The following FBXO3 variants were observed in gnomAD, a reference collection of about 807,000 sequenced individuals.
FBXO3 encodes F-box protein 3.
In FBXO3, 17 loss-of-function variants were observed where a neutral mutation model predicts 64.8. The observed-to-expected ratio is 0.26, with a 90% CI of 0.18 to 0.39. The LOEUF (loss-of-function observed/expected upper bound fraction) is 0.39. Ranked by LOEUF, FBXO3 falls within the 10% of genes least tolerant of loss-of-function variation. The pLI, the probability that FBXO3 is intolerant of heterozygous loss-of-function variation, is 1.00. For synonymous variants in FBXO3, 182 were observed against 201.6 expected (o/e 0.90, Z 0.82); for missense variants, 420 against 589.9 (o/e 0.71, Z 2.98).
chr11:33,744,753 G>A (rs750770189), intron 10 of FBXO3: 9 of 152,196 alleles, frequency 5.9e-5, no homozygotes, highest in Non-Finnish European at 1.3e-4. Flanking sequence ...ATAGTTAAGA[G>A]AGAGCTGAAC....
intron 3 of FBXO3, among the ~76,000 whole-genome samples, chr11:33,763,628 A>C (rs906893032): frequency 7.5e-4 from 17 of 22,720 alleles, no homozygotes; most frequent in African/African-American, 3.6e-3. Flanking sequence ...AATATCTACA[A>C]AAAAAAAAAA....
At chr11:33,761,337 T>C (rs1208141379) in intron 3 of FBXO3, among the ~76,000 whole-genome samples, 1 of 151,994 alleles carries the variant, frequency 6.6e-6, no homozygotes. Context: ...AACAAAAAAT[T>C]ATATACAAGA....
chr11:33,758,649 C>T, intron 3 of FBXO3, 48 bp from the exon 4 acceptor site: 1 of 1,359,738 alleles, frequency 7.4e-7, no homozygotes, highest in Non-Finnish European at 1.0e-6. Flanking sequence ...AGCCTTAAAT[C>T]TAAGAAGAAA....
intron 3 of FBXO3, among the ~76,000 whole-genome samples, chr11:33,764,900 G>A (rs529988676): frequency 7.9e-5 from 12 of 152,272 alleles, no homozygotes; most frequent in African/African-American, 2.9e-4. Context: ...CTTGAACCTG[G>A]GAGGCAGAGG....
In FBXO3 at chr11:33,751,543, G is replaced by A. The variant is rs780100999; in HGVS notation, c.789C>T (p.Ile263=). The change falls in exon 7 of 11, where the codon ATC becomes ATT. Residue 263 remains isoleucine, a synonymous_variant. Transcript: ENST00000265651. ...VKNVVSGGFP[I]IRDQIFRYVH... ...AATACCTGAAAATTTGGTCTCTGAT[G>A]ATGGGGAAGCCACCTGATACAACAT... 6.2e-7 allele frequency: 1 copy of A among 1,608,876 alleles called. No homozygotes were observed. Among genetic ancestry groups the A allele is most frequent in the Non-Finnish European group, 8.5e-7 (1 of 1,177,696 alleles).
chr11:33,771,922 A>G (rs1457303985), intron 1 of FBXO3: 2 of 152,262 alleles, frequency 1.3e-5, no homozygotes, highest in East Asian at 1.9e-4. Flanking sequence ...TTCAATGCAC[A>G]TCGAGAGTGA....
At chr11:33,765,619 T>C (rs923514308) in intron 3 of FBXO3, among the ~76,000 whole-genome samples, 2 of 152,202 alleles carry the variant, frequency 1.3e-5, no homozygotes, top group Non-Finnish European at 2.9e-5. Flanking sequence ...ATAGTTTGTA[T>C]ATTTGTCCCC....
chr11:33,758,651 A>G, intron 3 of FBXO3, 50 bp from the exon 4 acceptor site: 1 of 1,315,102 alleles, frequency 7.6e-7, no homozygotes, highest in Non-Finnish European at 1.1e-6. Flanking sequence ...CCTTAAATCT[A>G]AGAAGAAATG....
chr11:33,748,214 G>A (rs1370478619), intron 9 of FBXO3, among the ~76,000 whole-genome samples: 13 of 152,070 alleles, frequency 8.5e-5, no homozygotes, highest in Admixed American at 8.5e-4. Context: ...AAAAAAATTT[G>A]TTAAGTAAAC....
chr11:33,774,360 G>T, intron 1 of FBXO3, 34 bp downstream of exon 1: 35 of 1,407,812 alleles, frequency 2.5e-5, no homozygotes, highest in Non-Finnish European at 3.4e-5. Flanking sequence ...CTCTCCCCAT[G>T]CCCCCACCCC....
intron 10 of FBXO3, chr11:33,746,476 T>C: frequency 2.0e-6 from 1 of 511,558 alleles, no homozygotes; most frequent in Non-Finnish European, 3.5e-6. Flanking sequence ...AACCCATCCA[T>C]CAGGGTCATT....
chr11:33,750,354 A>T (rs1349511551), intron 8 of FBXO3, among the ~76,000 whole-genome samples, 185 bp downstream of exon 8: 1 of 152,252 alleles, frequency 6.6e-6, no homozygotes, highest in Non-Finnish European at 1.5e-5. Context: ...CTTAACTTAG[A>T]GGTTAATATG....
At chr11:33,746,550 TA>T in intron 10 of FBXO3, 1 of 639,928 alleles carries the variant, frequency 1.6e-6, no homozygotes. Context: ...TCTGGGTATA[TA>T]ATTCATATTT....
intron 5 of FBXO3, among the ~76,000 whole-genome samples, chr11:33,754,835 T>TAGAG (rs1855052762): frequency 1.3e-5 from 2 of 151,386 alleles, no homozygotes; most frequent in Non-Finnish European, 2.9e-5. Flanking sequence ...AAATGTTATA[T>TAGAG]AGAGTCACAT....
intron 3 of FBXO3, among the ~76,000 whole-genome samples, chr11:33,768,356 T>C (rs1855427333): frequency 6.6e-6 from 1 of 152,172 alleles, no homozygotes; most frequent in African/African-American, 2.4e-5. Flanking sequence ...ATTTTGCAAA[T>C]GTCAAAATAA....
In FBXO3 at chr11:33,768,841, T is replaced by C; in HGVS notation, c.358+10A>G. ...TGGAAACGGGGAAAGGGACCCTGAA[T>C]TCCCAGTACCTTTCAGAGATAAAAC... On this transcript the variant is annotated intron_variant, in intron 3 of 10. Transcript: ENST00000265651. The C allele has an allele frequency of 1.2e-6, 2 of 1,613,922 alleles. No homozygotes were observed. Among genetic ancestry groups the C allele is most frequent in the South Asian group, 2.2e-5 (2 of 91,082 alleles).
intron 1 of FBXO3, 49 bp downstream of exon 1, chr11:33,774,345 G>T: frequency 9.2e-7 from 1 of 1,082,908 alleles, no homozygotes; most frequent in Non-Finnish European, 1.3e-6. Context: ...CTGCCTCACC[G>T]CCTCCTCTCC....
At chr11:33,742,185 G>A (rs1024527903) in intron 10 of FBXO3, 101 bp from the exon 11 acceptor site, 143 of 1,118,162 alleles carry the variant, frequency 1.3e-4, no homozygotes, top group Middle Eastern at 6.1e-4. Flanking sequence ...AACCAGACAC[G>A]CCAAATATGA....
chr11:33,749,836 T>C (rs1218860373), intron 8 of FBXO3, among the ~76,000 whole-genome samples: 1 of 152,220 alleles, frequency 6.6e-6, no homozygotes, highest in Non-Finnish European at 1.5e-5. Flanking sequence ...GACAAATATC[T>C]ATACATGTGT....
Sources: gnomAD v4.1 joint callset for allele counts (sites outside exome capture counted in the v4.1 genomes callset) on GRCh38, gnomAD v4.1.1 for gene constraint, MANE v1.5 for transcripts, NCBI Gene and HGNC (gene_info 2026-07-23, HGNC 2026-07-21) for gene names.